Variants in SLC3A1 observed in about 807,000 individuals in gnomAD.
SLC3A1 encodes the protein amino acid transporter heavy chain SLC3A1.
In SLC3A1, 78 loss-of-function variants were observed where a neutral mutation model predicts 60.3. That is an observed-to-expected ratio of 1.29 (90% confidence interval 1.08 to 1.56). SLC3A1 has a LOEUF of 1.56. SLC3A1 is among the 40% of genes most tolerant of loss of function. The pLI is 0.00. For missense variants in SLC3A1, 1,172 were observed against 858.9 expected (o/e 1.36, Z -4.56); for synonymous variants, 392 against 307.9 (o/e 1.27, Z -2.86).
downstream of SLC3A1, chr2:44,321,992 C>CAAAGA: frequency 7.7e-7 from 1 of 1,299,028 alleles, no homozygotes; most frequent in Non-Finnish European, 1.1e-6. Flanking sequence ...TTTGAGTACT[C>CAAAGA]AGTTCAAATA....
intron 7 of SLC3A1, among the ~76,000 whole-genome samples, chr2:44,306,617 G>C (rs1309909982): frequency 1.4e-5 from 2 of 139,226 alleles, no homozygotes; most frequent in African/African-American, 2.7e-5. Flanking sequence ...GCAGTGGTGT[G>C]ATCCCGGCTC....
intron 7 of SLC3A1, among the ~76,000 whole-genome samples, chr2:44,309,102 G>A (rs1432046143): frequency 1.3e-5 from 2 of 152,136 alleles, no homozygotes; most frequent in African/African-American, 4.8e-5. Flanking sequence ...TCAAAAGTGT[G>A]TAATTCAATG....
intron 7 of SLC3A1, 60 bp downstream of exon 7, chr2:44,304,398 T>C (rs1291072833): frequency 1.5e-6 from 2 of 1,316,048 alleles, no homozygotes; most frequent in African/African-American, 1.4e-5. Flanking sequence ...TGTCCAGTTA[T>C]CTCTAAAATG....
rs1572806743 is a variant in SLC3A1 at position 44,303,185 on chromosome 2, G to A, written c.1137-958G>A. On this transcript the variant is annotated intron_variant, in intron 6 of 9. Coordinates refer to ENST00000260649, the MANE Select transcript of SLC3A1 (RefSeq NM_000341.4). ...CATTGCACTCCAGCCTGGGCAATAA[G>A]AGTAAAACTCTGTCTCAAGAAACAA... Among the ~76,000 whole-genome samples, 5 of 123,188 alleles carry A rather than the reference G, an allele frequency of 4.1e-5. No homozygotes were observed. In the South Asian group the frequency reaches 1.1e-3, roughly 27 times the overall value. The allele number at this position is 123,188 out of a possible 152,430, so 80.8% of individuals were successfully genotyped here.
At chr2:44,305,706 G>A (rs1672138014) in intron 7 of SLC3A1, among the ~76,000 whole-genome samples, 1 of 151,858 alleles carries the variant, frequency 6.6e-6, no homozygotes, top group African/African-American at 2.4e-5. Context: ...TGGGATTATG[G>A]GCATGAGCCA....
At chr2:44,297,974 C>T (rs548483246) in intron 4 of SLC3A1, among the ~76,000 whole-genome samples, 53 of 152,276 alleles carry the variant, frequency 3.5e-4, no homozygotes, top group Non-Finnish European at 6.6e-4. Flanking sequence ...AAATATTCAT[C>T]GTATGGATAG....
chr2:44,289,987 C>A (rs1336946389), intron 4 of SLC3A1, among the ~76,000 whole-genome samples: 2 of 152,068 alleles, frequency 1.3e-5, no homozygotes, highest in Non-Finnish European at 2.9e-5. Context: ...ATCTAAGAAC[C>A]ATTGCTTAAT....
chr2:44,299,732 A>T (rs1346643101), intron 4 of SLC3A1, among the ~76,000 whole-genome samples: 1 of 152,224 alleles, frequency 6.6e-6, no homozygotes, highest in Non-Finnish European at 1.5e-5. Flanking sequence ...TTACAAATGT[A>T]ACTAATTGTA....
chr2:44,302,812 GAA>G (rs1672048420), intron 6 of SLC3A1, among the ~76,000 whole-genome samples: 1 of 152,224 alleles, frequency 6.6e-6, no homozygotes, highest in Admixed American at 6.5e-5. Context: ...AATTGCTAAA[GAA>G]AGTCTTCATG....
In SLC3A1 at chr2:44,320,869, C is replaced by T. The variant is rs1281416446; in HGVS notation, c.*230C>T. On this transcript the variant is annotated 3_prime_UTR_variant, in exon 10 of 10. Coordinates refer to ENST00000260649, the MANE Select transcript of SLC3A1 (RefSeq NM_000341.4). The stretch of plus-strand genomic sequence containing the variant: ...ATAACTTTATTCAGATAGCATCAAT[C>T]AGGGATGACCAGAACACATTAGGAC... The T allele has an allele frequency of 1.3e-5, 7 of 548,136 alleles. No homozygotes were observed. Among genetic ancestry groups the T allele is most frequent in the African/African-American group, 1.1e-4 (6 of 52,830 alleles). 34.0% of individuals were successfully genotyped at this position (548,136 alleles called of 1,614,324 possible).
intron 6 of SLC3A1, among the ~76,000 whole-genome samples, chr2:44,303,368 C>A (rs546516749): frequency 6.7e-6 from 1 of 150,056 alleles, no homozygotes; most frequent in African/African-American, 2.5e-5. Flanking sequence ...CTTGGCCTTC[C>A]GAGTAGCTGG....
At chr2:44,310,196 G>A (rs777269707) in intron 7 of SLC3A1, among the ~76,000 whole-genome samples, 21 of 152,052 alleles carry the variant, frequency 1.4e-4, no homozygotes, top group Non-Finnish European at 1.3e-4. Context: ...CCCAGCCTTG[G>A]ATCATATAGT....
Position 44,320,549 on chromosome 2 carries a change from T to C in SLC3A1, c.1968T>C (p.Leu656=). The C allele has an allele frequency of 6.2e-7, 1 of 1,614,092 alleles. No homozygotes were observed. The highest frequency in any genetic ancestry group is 8.5e-7 in the Non-Finnish European group (1 of 1,179,948). Residue 656 remains leucine, a synonymous_variant, in exon 10 of 10, where the codon CTT becomes CTC. Transcript: ENST00000260649. ...LIFEHNTKNL[L]HRQTAFRDRC... is the part of the protein sequence containing the mutation. ...TTGAACACAACACGAAGAATCTCCT[T>C]CATCGCCAAACAGCTTTCAGAGATA...
At chr2:44,286,688 C>T (rs907222487) in intron 4 of SLC3A1, among the ~76,000 whole-genome samples, 1 of 145,594 alleles carries the variant, frequency 6.9e-6, no homozygotes, top group African/African-American at 2.6e-5. Flanking sequence ...GTGAGCTGTG[C>T]GGTGCCTGTG....
rs199700629 is a variant in SLC3A1, at chr2:44,275,792, G to A, written c.257G>A (p.Arg86Gln). Residue 86 changes from arginine (R) to glutamine (Q), a missense_variant, in exon 1 of 10, where the codon CGG (arginine) becomes CAG (glutamine). Arg to Gln is a conservative substitution (Grantham distance 43). Coordinates refer to ENST00000260649, the MANE Select transcript of SLC3A1 (RefSeq NM_000341.4). ...GGCCAGGCCCGCTACCGCATACCTC[G>A]GGAGATCCTCTTCTGGCTCACAGTG... is the stretch of plus-strand genomic sequence containing the variant. ...FSGQARYRIP[R>Q]EILFWLTVAS... 1.5e-5 allele frequency: 24 copies of A among 1,614,210 alleles called. No individual in the cohort carries two copies. Among genetic ancestry groups the A allele is most frequent in the East Asian group, 4.5e-5 (2 of 44,874 alleles).
chr2:44,321,771 AAAC>A (rs1672978902), downstream of SLC3A1: 2 of 1,613,632 alleles, frequency 1.2e-6, no homozygotes, highest in South Asian at 1.1e-5. Context: ...GAAAATGTGA[AAAC>A]AACATGTATC....
rs868612174 is a variant in SLC3A1 at position 44,285,937 on chromosome 2, A to C, written c.766-95A>C. 3 of 1,489,702 alleles carry C rather than the reference A, an allele frequency of 2.0e-6. No individual in the cohort carries two copies. The Middle Eastern group carries it at 5.1e-4, about 255-fold the overall frequency. The allele number at this position is 1,489,702 out of a possible 1,614,324, so 92.3% of individuals were successfully genotyped here. ...TAGAAGGAAAACTCTCAGGATTTAC[A>C]TACTCTGCCTGCAAAGGATCAGGGA... On this transcript the variant is annotated intron_variant, in intron 3 of 9. Coordinates refer to ENST00000260649, the MANE Select transcript of SLC3A1 (RefSeq NM_000341.4).
In SLC3A1 at chr2:44,313,598, T is replaced by C. The variant is rs143345093; in HGVS notation, c.1501-237T>C. On this transcript the variant is annotated intron_variant, in intron 8 of 9. Coordinates refer to ENST00000260649, the MANE Select transcript of SLC3A1 (RefSeq NM_000341.4). ...AAGCAGCAGAGATTTCAAGCATGTA[T>C]TAAAGTTCGATTAGTATTGTCTATT... Among the ~76,000 whole-genome samples, 188 of 152,352 alleles carry C rather than the reference T, an allele frequency of 1.2e-3. 2 individuals carry two copies. Among genetic ancestry groups the C allele is most frequent in the Middle Eastern group, 3.4e-3 (1 of 294 alleles).
intron 9 of SLC3A1, chr2:44,314,234 T>G: frequency 1.4e-6 from 1 of 734,788 alleles, no homozygotes; most frequent in South Asian, 2.0e-5. Flanking sequence ...GGAAATTTTA[T>G]GAAGTTTTTT....
Sources: allele counts gnomAD v4.1 joint callset (sites outside exome capture counted in the v4.1 genomes callset), GRCh38; gene constraint gnomAD v4.1.1; transcripts MANE v1.5; gene names NCBI Gene and HGNC (gene_info 2026-07-23, HGNC 2026-07-21).